The following MON1A variants were observed in gnomAD, a reference collection of about 807,000 sequenced individuals.
MON1A encodes MON1 vesicular trafficking associated A, also known as vacuolar fusion protein MON1 homolog A.
Under a neutral mutation model 44.6 loss-of-function variants are expected in MON1A, and 29 were observed. That is an observed-to-expected ratio of 0.65 (90% CI 0.48 to 0.89). The LOEUF is 0.89. MON1A is among the 40% of genes least tolerant of loss of function. The probability of loss-of-function intolerance (pLI) is 0.00; values close to 1 mark genes in which losing one functional copy is unlikely to be tolerated. For synonymous variants in MON1A, 275 were observed against 316.4 expected (o/e 0.87, Z 1.39); for missense variants, 615 against 759.6 (o/e 0.81, Z 2.24).
At chr3:49,929,217 C>T (rs539393521) in intron 1 of MON1A, among the ~76,000 whole-genome samples, 23 of 152,216 alleles carry the variant, frequency 1.5e-4, no homozygotes, top group Non-Finnish European at 3.1e-4. Flanking sequence ...AGTGAAACTC[C>T]GTCTAAAAAC....
intron 1 of MON1A, among the ~76,000 whole-genome samples, chr3:49,928,921 C>T (rs1180523225): frequency 6.6e-6 from 1 of 152,154 alleles, no homozygotes; most frequent in Non-Finnish European, 1.5e-5. Flanking sequence ...CAAACTGGTG[C>T]AAAGTCCGGC....
At chr3:49,918,367 C>T (rs999753374) in intron 1 of MON1A, among the ~76,000 whole-genome samples, 3 of 151,520 alleles carry the variant, frequency 2.0e-5, no homozygotes, top group Admixed American at 6.6e-5. Flanking sequence ...AAAGAACTTC[C>T]GGAGATTACC....
At chr3:49,929,235 C>G (rs1432141642) in intron 1 of MON1A, 2 of 325,320 alleles carry the variant, frequency 6.1e-6, no homozygotes, top group Non-Finnish European at 1.1e-5. Context: ...AACAACAAAG[C>G]AAAGACCCAA....
At position 49,909,572 on chromosome 3, in the gene MON1A, G is replaced by A. The variant is rs2082850630; in HGVS notation, c.1380-172C>T. 1.2e-6 allele frequency: 1 copy of A among 808,444 alleles called. No individual in the cohort carries two copies. Among genetic ancestry groups the A allele is most frequent in the Non-Finnish European group, 1.9e-6 (1 of 525,748 alleles). 50.1% of individuals were successfully genotyped at this position (808,444 alleles called of 1,614,324 possible). On this transcript the variant is annotated intron_variant, in intron 4 of 5. Coordinates refer to ENST00000296473, the MANE Select transcript of MON1A (RefSeq NM_032355.4). The surrounding 1 kb of genome is among the most constrained non-coding windows in gnomAD (Gnocchi z 4.0). ...CCACCATAGCAGGCACCCCAGGACAGGGCTGGGCCCACTGAGACTAGAGCT... is the reference window on the plus strand; with the variant it reads ...CCACCATAGCAGGCACCCCAGGACAAGGCTGGGCCCACTGAGACTAGAGCT...
chr3:49,911,025 A>G lies in MON1A; in HGVS notation c.614-141T>C, dbSNP rs2082872512. 1 of 822,802 alleles carries G rather than the reference A, an allele frequency of 1.2e-6. No individual in the cohort carries two copies. Among genetic ancestry groups the G allele is most frequent in the Non-Finnish European group, 1.8e-6 (1 of 542,852 alleles). The allele number at this position is 822,802 out of a possible 1,614,324, so 51.0% of individuals were successfully genotyped here. A position where few individuals can be genotyped will look rare whatever the true frequency, so the allele number is the denominator to read the frequency against. ...CAGTAGGGGTTTAAGGATGTTCAGG[A>G]TAAAAACCCATTGCTCCTTCTCCCT... On this transcript the variant is annotated intron_variant, in intron 3 of 5. Coordinates refer to ENST00000296473, the MANE Select transcript of MON1A (RefSeq NM_032355.4). This position sits in a 1 kb window ranked among gnomAD's most constrained non-coding sequence, Gnocchi z 5.7.
intron 1 of MON1A, chr3:49,916,548 G>A (rs1559494030): frequency 6.6e-6 from 1 of 152,246 alleles, no homozygotes; most frequent in African/African-American, 2.4e-5. Flanking sequence ...ATGGAGGGTT[G>A]GGCACCACTG....
chr3:49,929,013 C>T (rs535221574), intron 1 of MON1A, among the ~76,000 whole-genome samples: 10 of 152,198 alleles, frequency 6.6e-5, no homozygotes, highest in African/African-American at 2.4e-4. Context: ...GAGTTCAAGA[C>T]GAGCCTGGCC....
At chr3:49,929,432 T>G in intron 1 of MON1A, 177 bp downstream of exon 1, 12 of 740,824 alleles carry the variant, frequency 1.6e-5, no homozygotes, top group Non-Finnish European at 2.0e-5. Context: ...GATCTCGCCT[T>G]TTGTATTCCC....
chr3:49,914,430 G>A (rs549467346), intron 1 of MON1A, among the ~76,000 whole-genome samples: 3 of 151,922 alleles, frequency 2.0e-5, no homozygotes, highest in South Asian at 2.1e-4. Flanking sequence ...CTGGAGAGCA[G>A]TGGCGTGATC....
At chr3:49,927,963 G>C (rs759425701) in intron 1 of MON1A, among the ~76,000 whole-genome samples, 1 of 151,368 alleles carries the variant, frequency 6.6e-6, no homozygotes, top group Non-Finnish European at 1.5e-5. Context: ...ACTGCTCTGT[G>C]ACGTTGCACT....
At chr3:49,924,138 T>TC (rs1447305547) in intron 1 of MON1A, 1 of 152,036 alleles carries the variant, frequency 6.6e-6, no homozygotes, top group Non-Finnish European at 1.5e-5. Flanking sequence ...TCTCTTTTTT[T>TC]CCCCACACCT....
chr3:49,929,502 A>G (rs928562206), intron 1 of MON1A, 107 bp downstream of exon 1: 1 of 1,298,930 alleles, frequency 7.7e-7, no homozygotes, highest in African/African-American at 1.5e-5. Context: ...ATTGCAAACG[A>G]TAGCGTTGAT....
chr3:49,925,104 T>A (rs2083042302), intron 1 of MON1A, among the ~76,000 whole-genome samples: 1 of 152,194 alleles, frequency 6.6e-6, no homozygotes, highest in African/African-American at 2.4e-5. Context: ...CTTATGTTGA[T>A]TCAGCTTATG....
At chr3:49,914,672 C>A (rs1286592828) in intron 1 of MON1A, among the ~76,000 whole-genome samples, 1 of 150,628 alleles carries the variant, frequency 6.6e-6, no homozygotes, top group African/African-American at 2.4e-5. Context: ...CTCAGCCTTG[C>A]AAGTAGCTGG....
chr3:49,911,212 A>AGATAGATAGATAGATAGAT lies in MON1A; in HGVS notation c.613+295_613+313dup. ...AGATTAGATAGATAGATAGATAGAT[A>AGATAGATAGATAGATAGAT]GATAGATAGATAGATAGATAGATAG... On this transcript the variant is annotated intron_variant, in intron 3 of 5. Coordinates refer to ENST00000296473, the MANE Select transcript of MON1A (RefSeq NM_032355.4). The surrounding 1 kb of genome is among the most constrained non-coding windows in gnomAD (Gnocchi z 5.7). Among the ~76,000 whole-genome samples, 1 of 140,530 alleles carries AGATAGATAGATAGATAGAT rather than the reference A, an allele frequency of 7.1e-6. No individual in the cohort carries two copies. Among genetic ancestry groups the AGATAGATAGATAGATAGAT allele is most frequent in the Non-Finnish European group, 1.6e-5 (1 of 63,912 alleles). The allele number at this position is 140,530 out of a possible 152,430, so 92.2% of individuals were successfully genotyped here. A position where few individuals can be genotyped will look rare whatever the true frequency, so the allele number is the denominator to read the frequency against.
chr3:49,924,803 T>C (rs1319838539), intron 1 of MON1A: 2 of 154,090 alleles, frequency 1.3e-5, no homozygotes, highest in Middle Eastern at 3.1e-3. Flanking sequence ...TGTAAGGACA[T>C]GTAAGCAGCT....
chr3:49,918,797 A>G (rs1575476708), intron 1 of MON1A, among the ~76,000 whole-genome samples: 1 of 151,724 alleles, frequency 6.6e-6, no homozygotes, highest in East Asian at 1.9e-4. Flanking sequence ...CCTCTCACCT[A>G]CTCAGGTACA....
intron 1 of MON1A, among the ~76,000 whole-genome samples, chr3:49,914,222 G>A (rs2082922432): frequency 6.6e-6 from 1 of 150,852 alleles, no homozygotes; most frequent in African/African-American, 2.4e-5. Context: ...TCCCGGGGTA[G>A]CTGGGATTAC....
Position 49,929,617 on chromosome 3 carries a change from CAG to C in MON1A, c.-24_-23del, listed in dbSNP as rs2083077680. 8.4e-6 allele frequency: 13 copies of C among 1,551,552 alleles called. No homozygotes were observed. Among genetic ancestry groups the C allele is most frequent in the Non-Finnish European group, 1.1e-5 (13 of 1,146,940 alleles). ...GCTGGCAGTCAACTCACCTGTTTCT[CAG>C]AGGAGTCCAGGACGCACAGAAGGTG... On this transcript the variant is annotated 5_prime_UTR_variant, in exon 1 of 6. An upstream open reading frame in the 5' UTR gains an earlier in-frame stop. Transcript: ENST00000296473.
Sources: gnomAD v4.1 joint callset for allele counts (sites outside exome capture counted in the v4.1 genomes callset) on GRCh38, gnomAD v4.1.1 for gene constraint, Gnocchi (gnomAD v3.1) non-coding constraint, MANE v1.5 for transcripts, NCBI Gene and HGNC (gene_info 2026-07-23, HGNC 2026-07-21) for gene names.